The following PTPRT variants were observed in gnomAD, a reference collection of about 807,000 sequenced individuals.
The protein encoded by PTPRT is protein tyrosine phosphatase receptor type T, also known as receptor-type tyrosine-protein phosphatase T.
Under a neutral mutation model 176.8 loss-of-function variants are expected in PTPRT, and 56 were observed. The ratio of observed to expected loss-of-function variants is 0.32; its 90% CI spans 0.26 to 0.40. PTPRT has a LOEUF of 0.40. PTPRT is among the 10% of genes least tolerant of loss of function. The probability of loss-of-function intolerance (pLI) is 1.00; values close to 1 mark genes in which losing one functional copy is unlikely to be tolerated. For synonymous variants in PTPRT, 783 were observed against 739.0 expected (o/e 1.06, Z -0.96); for missense variants, 1,540 against 1,908.2 (o/e 0.81, Z 3.60).
Position 42,845,442 on chromosome 20 carries a change from C to T in PTPRT, c.214+40365G>A, listed in dbSNP as rs6016904. ...ATAATTATAATCATAAATTGAAGGG[C>T]GTGCATGTGTTTCTGTGTGTGCACA... On this transcript the variant is annotated intron_variant, in intron 2 of 30. Transcript: ENST00000373187. Among the ~76,000 whole-genome samples, 762 of 152,212 alleles carry T rather than the reference C, an allele frequency of 5.0e-3. 5 individuals carry two copies. Among genetic ancestry groups the T allele is most frequent in the African/African-American group, 0.017 (717 of 41,524 alleles).
rs1475192737 is a variant in PTPRT at position 42,317,179 on chromosome 20, G to A, written c.1866-1183C>T. On this transcript the variant is annotated intron_variant, in intron 11 of 30. Transcript: ENST00000373187. ...CAGAAACCCTAATCGGATAAACAGCGATTGCCTTGAGTTCCTGTCTAGTGA... is the reference window on the plus strand; with the variant it reads ...CAGAAACCCTAATCGGATAAACAGCAATTGCCTTGAGTTCCTGTCTAGTGA... Among the ~76,000 whole-genome samples, 5 of 152,298 alleles carry A rather than the reference G, an allele frequency of 3.3e-5. No individual in the cohort carries two copies. The East Asian group carries it at 5.8e-4, about 18-fold the overall frequency.
At chr20:42,281,883 A>C (rs971144379) in intron 13 of PTPRT, among the ~76,000 whole-genome samples, 3 of 152,232 alleles carry the variant, frequency 2.0e-5, no homozygotes, top group African/African-American at 4.8e-5. Flanking sequence ...TTTTTTAAAA[A>C]GAGTAATAAA....
chr20:42,935,298 C>T (rs1039811738), intron 1 of PTPRT, among the ~76,000 whole-genome samples: 4 of 151,632 alleles, frequency 2.6e-5, no homozygotes, highest in African/African-American at 9.7e-5. Context: ...CACCAGCACA[C>T]CCGGCTAATT....
chr20:43,069,215 T>C (rs148710145), intron 1 of PTPRT, among the ~76,000 whole-genome samples: 74 of 152,240 alleles, frequency 4.9e-4, no homozygotes, highest in Admixed American at 8.5e-4. Flanking sequence ...AGGATGTCTC[T>C]AACACTAGCA....
chr20:42,491,910 T>C (rs6030279), intron 7 of PTPRT, among the ~76,000 whole-genome samples: 50 of 152,330 alleles, frequency 3.3e-4, no homozygotes, highest in African/African-American at 1.2e-3. Flanking sequence ...TATCATTTCA[T>C]AAATGTTATA....
intron 7 of PTPRT, among the ~76,000 whole-genome samples, chr20:42,522,588 G>T (rs562970271): frequency 6.6e-6 from 1 of 152,054 alleles, no homozygotes; most frequent in Non-Finnish European, 1.5e-5. Flanking sequence ...AGCCTCCTGA[G>T]TAGCTGGGAC....
chr20:42,657,927 T>C (rs1429722811), intron 7 of PTPRT, among the ~76,000 whole-genome samples: 1 of 146,228 alleles, frequency 6.8e-6, no homozygotes, highest in East Asian at 2.4e-4. Flanking sequence ...GGTTTACCTT[T>C]TTTTTTTTTT....
chr20:42,729,797 C>T (rs1405066140), intron 6 of PTPRT, among the ~76,000 whole-genome samples: 1 of 152,102 alleles, frequency 6.6e-6, no homozygotes, highest in Non-Finnish European at 1.5e-5. Context: ...TCATAGATAA[C>T]CTGATTTCCC....
chr20:42,091,708 T>C (rs1451797252), intron 27 of PTPRT, among the ~76,000 whole-genome samples: 3 of 152,256 alleles, frequency 2.0e-5, no homozygotes, highest in African/African-American at 7.2e-5. Flanking sequence ...TCCAAAAATA[T>C]ATAATTGGCT....
intron 16 of PTPRT, among the ~76,000 whole-genome samples, chr20:42,174,149 T>C (rs1183910858): frequency 6.6e-6 from 1 of 152,182 alleles, no homozygotes; most frequent in East Asian, 1.9e-4. Context: ...ATGCTTTCAG[T>C]AAGAAGTTCT....
chr20:42,090,747 A>C (rs753208876), intron 27 of PTPRT, among the ~76,000 whole-genome samples: 3 of 152,188 alleles, frequency 2.0e-5, no homozygotes, highest in Non-Finnish European at 2.9e-5. Context: ...GGAAATGGGA[A>C]TTCTAGGAAG....
At chr20:43,018,879 A>G (rs1284802922) in intron 1 of PTPRT, among the ~76,000 whole-genome samples, 1 of 152,252 alleles carries the variant, frequency 6.6e-6, no homozygotes, top group Non-Finnish European at 1.5e-5. Flanking sequence ...TTACAGGATT[A>G]GGGAGAATGG....
intron 1 of PTPRT, among the ~76,000 whole-genome samples, chr20:42,998,735 C>T (rs1984365129): frequency 1.3e-5 from 2 of 152,176 alleles, no homozygotes; most frequent in Admixed American, 1.3e-4. Context: ...TAAAGTAACT[C>T]TGAAAGGGAG....
At chr20:43,143,260 C>T (rs956092133) in intron 1 of PTPRT, among the ~76,000 whole-genome samples, 4 of 152,150 alleles carry the variant, frequency 2.6e-5, no homozygotes, top group African/African-American at 9.7e-5. Flanking sequence ...TCTGCTATCC[C>T]TCTCCCTCCT....
chr20:42,509,787 T>A (rs945839377), intron 7 of PTPRT, among the ~76,000 whole-genome samples: 1 of 152,102 alleles, frequency 6.6e-6, no homozygotes, highest in Non-Finnish European at 1.5e-5. Flanking sequence ...CAGACTGATG[T>A]GTCTTATTTA....
intron 9 of PTPRT, among the ~76,000 whole-genome samples, chr20:42,364,519 A>T (rs1249273600): frequency 6.6e-6 from 1 of 151,402 alleles, no homozygotes; most frequent in South Asian, 2.1e-4. Context: ...AGAGATGAAC[A>T]TTTTTTTTTC....
At chr20:42,663,790 T>C (rs907717244) in intron 7 of PTPRT, among the ~76,000 whole-genome samples, 16 of 152,180 alleles carry the variant, frequency 1.1e-4, no homozygotes, top group African/African-American at 3.6e-4. Flanking sequence ...TAGATACATA[T>C]ACCACAAAAA....
intron 7 of PTPRT, among the ~76,000 whole-genome samples, chr20:42,677,431 G>A (rs2146061018): frequency 1.3e-5 from 2 of 152,204 alleles, no homozygotes; most frequent in South Asian, 4.2e-4. Context: ...CAGAGAAACA[G>A]AGCCAGGAAC....
intron 15 of PTPRT, among the ~76,000 whole-genome samples, chr20:42,214,667 A>G (rs566854507): frequency 5.9e-5 from 9 of 152,102 alleles, no homozygotes; most frequent in Admixed American, 1.3e-4. Flanking sequence ...TCTGGCCTGG[A>G]TGGGCTCTCC....
Sources: allele counts gnomAD v4.1 joint callset (sites outside exome capture counted in the v4.1 genomes callset), GRCh38; gene constraint gnomAD v4.1.1; transcripts MANE v1.5; gene names NCBI Gene and HGNC (gene_info 2026-07-23, HGNC 2026-07-21).